Variants in RAP1B observed in about 807,000 individuals in gnomAD.
The protein encoded by RAP1B is ras-related protein Rap-1b.
Under a neutral mutation model 27.5 loss-of-function variants are expected in RAP1B, and 1 was observed. That is an observed-to-expected ratio of 0.04 (90% CI 0.01 to 0.17). The LOEUF is 0.17. Among genes scored for constraint, RAP1B ranks in the 10% least tolerant of loss-of-function variants. The probability of loss-of-function intolerance (pLI) is 1.00; values close to 1 mark genes in which losing one functional copy is unlikely to be tolerated. For missense variants in RAP1B, 84 were observed against 214.8 expected, an observed-to-expected ratio of 0.39 and a Z score of 3.81; for synonymous variants, 75 against 73.1, an observed-to-expected ratio of 1.03 and a Z score of -0.13.
At chr12:68,634,639 C>G (rs1872507068) in intron 1 of RAP1B, among the ~76,000 whole-genome samples, 1 of 151,754 alleles carries the variant, frequency 6.6e-6, no homozygotes, top group Non-Finnish European at 1.5e-5. Flanking sequence ...TAAAAAATCA[C>G]TTAACTATTT....
Position 68,667,388 on chromosome 12 carries a change from G to A in RAP1B, c.*8139G>A, listed in dbSNP as rs1327667770. 1 of 152,092 alleles carries A rather than the reference G, an allele frequency of 6.6e-6. No homozygotes were observed. The highest frequency in any genetic ancestry group is 2.4e-5 in the African/African-American group (1 of 41,424). 9.4% of individuals were successfully genotyped at this position (152,092 alleles called of 1,614,324 possible). A position where few individuals can be genotyped will look rare whatever the true frequency, so the allele number is the denominator to read the frequency against. ...ATGAAAAAAAGAAATGGAAGGAATG[G>A]ACAGGCCCAGAATTAAATGATAAAA... is the stretch of plus-strand genomic sequence containing the variant. On this transcript the variant is annotated 3_prime_UTR_variant, in exon 8 of 8. Coordinates refer to ENST00000250559, the MANE Select transcript of RAP1B (RefSeq NM_001010942.3).
intron 1 of RAP1B, among the ~76,000 whole-genome samples, chr12:68,612,973 T>G (rs1468533144): frequency 6.6e-6 from 1 of 152,230 alleles, no homozygotes; most frequent in African/African-American, 2.4e-5. Context: ...GTAGCCAGTT[T>G]GTTGTTTTTA....
At chr12:68,650,307 T>A (rs1476134977) in intron 2 of RAP1B, 93 bp from the exon 3 acceptor site, 1 of 1,208,930 alleles carries the variant, frequency 8.3e-7, no homozygotes, top group Non-Finnish European at 1.1e-6. Context: ...ATTGATGGTG[T>A]AACTCCCTGT....
intron 1 of RAP1B, 36 bp from the exon 2 acceptor site, chr12:68,648,658 AACTTT>A: frequency 1.4e-6 from 2 of 1,446,020 alleles, no homozygotes; most frequent in Non-Finnish European, 1.9e-6. Flanking sequence ...AGGAATACAC[AACTTT>A]ACTTAGAATT....
intron 1 of RAP1B, among the ~76,000 whole-genome samples, chr12:68,612,085 G>A (rs1457159237): frequency 6.6e-6 from 1 of 152,148 alleles, no homozygotes; most frequent in African/African-American, 2.4e-5. Context: ...GTTGCAGTAA[G>A]GGGAAATCAC....
At chr12:68,646,170 GATAAATGT>G (rs1240610999) in intron 1 of RAP1B, among the ~76,000 whole-genome samples, 1 of 152,120 alleles carries the variant, frequency 6.6e-6, no homozygotes, top group African/African-American at 2.4e-5. Context: ...AATCACCTCT[GATAAATGT>G]ATAGTTTTTA....
At chr12:68,653,782 T>C (rs1005383914) in intron 4 of RAP1B, among the ~76,000 whole-genome samples, 1 of 151,728 alleles carries the variant, frequency 6.6e-6, no homozygotes, top group African/African-American at 2.4e-5. Context: ...AAGAAAAAAA[T>C]TAGCCGGGCA....
At chr12:68,652,162 G>A in intron 4 of RAP1B, 111 bp downstream of exon 4, 2 of 829,682 alleles carry the variant, frequency 2.4e-6, no homozygotes, top group East Asian at 5.4e-5. Context: ...AGTACTGCTT[G>A]CAGCCGGTTG....
rs890376989 is a variant in RAP1B at position 68,662,419 on chromosome 12, T to C, written c.*3170T>C. On this transcript the variant is annotated 3_prime_UTR_variant, in exon 8 of 8. Coordinates refer to ENST00000250559, the MANE Select transcript of RAP1B (RefSeq NM_001010942.3). ...GATTCAGTTGTTTCTTAAACGTAAA[T>C]AGCTCATCTTTACCATATGTGGGCA... 9.9e-5 allele frequency: 15 copies of C among 152,036 alleles called. No individual in the cohort carries two copies. Among genetic ancestry groups the C allele is most frequent in the African/African-American group, 3.6e-4 (15 of 41,432 alleles). The allele number at this position is 152,036 out of a possible 1,614,324, so 9.4% of individuals were successfully genotyped here.
At chr12:68,641,051 A>T (rs1365917570) in intron 1 of RAP1B, 1 of 152,160 alleles carries the variant, frequency 6.6e-6, no homozygotes, top group African/African-American at 2.4e-5. Context: ...CTCACTTGTC[A>T]CCCAGGCTGG....
chr12:68,628,603 T>C (rs1871996563), intron 1 of RAP1B, among the ~76,000 whole-genome samples: 1 of 152,012 alleles, frequency 6.6e-6, no homozygotes, highest in Admixed American at 6.6e-5. Flanking sequence ...GAGAGAAAAG[T>C]ACAAGAATGA....
At chr12:68,637,763 A>T (rs548843775) in intron 1 of RAP1B, among the ~76,000 whole-genome samples, 1 of 152,094 alleles carries the variant, frequency 6.6e-6, no homozygotes, top group African/African-American at 2.4e-5. Flanking sequence ...TTAAGTGTAT[A>T]AGGAAAAACT....
chr12:68,662,040 T>C lies in RAP1B; in HGVS notation c.*2791T>C, dbSNP rs1874628280. 1 of 146,716 alleles carries C rather than the reference T, an allele frequency of 6.8e-6. No homozygotes were observed. Among genetic ancestry groups the C allele is most frequent in the Non-Finnish European group, 1.5e-5 (1 of 66,880 alleles). The allele number at this position is 146,716 out of a possible 1,614,324, so 9.1% of individuals were successfully genotyped here. A position where few individuals can be genotyped will look rare whatever the true frequency, so the allele number is the denominator to read the frequency against. ...TATATATATATATATATATTATATA[T>C]AGTACATATATAGAGAGAGTATATA... On this transcript the variant is annotated 3_prime_UTR_variant, in exon 8 of 8. Coordinates refer to ENST00000250559, the MANE Select transcript of RAP1B (RefSeq NM_001010942.3).
intron 1 of RAP1B, among the ~76,000 whole-genome samples, chr12:68,645,399 G>A (rs1873333854): frequency 6.6e-6 from 1 of 152,254 alleles, no homozygotes; most frequent in South Asian, 2.1e-4. Flanking sequence ...GTCTCAAATA[G>A]TAGTTGTCAC....
intron 1 of RAP1B, among the ~76,000 whole-genome samples, chr12:68,614,618 T>C (rs943906973): frequency 6.9e-6 from 1 of 145,314 alleles, no homozygotes; most frequent in Non-Finnish European, 1.5e-5. Flanking sequence ...CCTGTCATTA[T>C]TGAGGACTCC....
rs1403479549 is a variant in RAP1B at position 68,654,228 on chromosome 12, T to A, written c.300T>A (p.Ile100=). Residue 100 remains isoleucine, a synonymous_variant, in exon 5 of 8, where the codon ATT becomes ATA. Transcript: ENST00000250559. Reference sequence around the variant, plus strand: ...ATTTACAAGACCTGAGAGAACAGATTCTTCGAGTTAAAGACACTGATGATG... The same window carrying A: ...ATTTACAAGACCTGAGAGAACAGATACTTCGAGTTAAAGACACTGATGATG... The part of the protein sequence containing the change: ...FNDLQDLREQ[I]LRVKDTDDVP... 1 of 1,600,656 alleles carries A rather than the reference T, an allele frequency of 6.2e-7. No individual in the cohort carries two copies. Among genetic ancestry groups the A allele is most frequent in the African/African-American group, 1.3e-5 (1 of 74,450 alleles).
chr12:68,651,735 A>C (rs545157876), intron 3 of RAP1B: 1 of 414,478 alleles, frequency 2.4e-6, no homozygotes, highest in South Asian at 4.9e-5. Context: ...CTGAGAATCC[A>C]TATTGAGACT....
chr12:68,655,844 CTTT>C (rs1466541406), intron 5 of RAP1B, among the ~76,000 whole-genome samples: 1 of 152,120 alleles, frequency 6.6e-6, no homozygotes, highest in African/African-American at 2.4e-5. Flanking sequence ...CCTTGATTGA[CTTT>C]TTTAATACAA....
chr12:68,650,505 T>G, intron 3 of RAP1B, 37 bp downstream of exon 3: 1 of 1,377,462 alleles, frequency 7.3e-7, no homozygotes, highest in Non-Finnish European at 9.8e-7. Flanking sequence ...GCTTTTGATT[T>G]TAATATAAAT....
Sources: gnomAD v4.1 joint callset for allele counts (sites outside exome capture counted in the v4.1 genomes callset) on GRCh38, gnomAD v4.1.1 for gene constraint, MANE v1.5 for transcripts, NCBI Gene and HGNC (gene_info 2026-07-23, HGNC 2026-07-21) for gene names.